Variants in APBB1 observed in about 807,000 individuals in gnomAD.
The protein encoded by APBB1 is adaptor protein FE65a2.
APBB1 carries 22 observed loss-of-function variants against 78.4 expected under a neutral mutation model. The observed-to-expected ratio is 0.28, with a 90% CI of 0.20 to 0.40. The LOEUF (loss-of-function observed/expected upper bound fraction) is 0.40, where lower values mean the gene tolerates loss of function less well. Ranked by LOEUF, APBB1 falls within the 10% of genes least tolerant of loss-of-function variation. APBB1 has a pLI of 1.00. For missense variants in APBB1, 749 were observed against 932.4 expected (o/e 0.80, Z 2.56); for synonymous variants, 369 against 372.7 (o/e 0.99, Z 0.12).
At chr11:6,414,054 C>T (rs773104404) in intron 1 of APBB1, among the ~76,000 whole-genome samples, 1 of 152,158 alleles carries the variant, frequency 6.6e-6, no homozygotes, top group East Asian at 1.9e-4. Context: ...CACTGCCTTT[C>T]GGATAACGCC....
Position 6,403,239 on chromosome 11 carries a change from G to A in APBB1, c.1041-31C>T. On this transcript the variant is annotated intron_variant, in intron 5 of 14. Coordinates refer to ENST00000609360, the MANE Select transcript of APBB1 (RefSeq NM_001164.5). This position sits in a 1 kb window ranked among gnomAD's most constrained non-coding sequence, Gnocchi z 5.3. Reference sequence around the variant, plus strand: ...GGCAGATGGTAATACTTGGCACAGGGCTCCCATAAATGGAGCTGTCCCAAG... The same window carrying A: ...GGCAGATGGTAATACTTGGCACAGGACTCCCATAAATGGAGCTGTCCCAAG... 6.2e-7 allele frequency: 1 copy of A among 1,611,208 alleles called. No individual in the cohort carries two copies. Among genetic ancestry groups the A allele is most frequent in the Non-Finnish European group, 8.5e-7 (1 of 1,178,540 alleles).
At position 6,404,500 on chromosome 11, in the gene APBB1, G is replaced by A. The variant is rs188844299; in HGVS notation, c.722-678C>T. On this transcript the variant is annotated intron_variant, in intron 2 of 14. Coordinates refer to ENST00000609360, the MANE Select transcript of APBB1 (RefSeq NM_001164.5). ...CAGGCGGACCCACACTCAGACACAC[G>A]GCACACGTCAAACCCTGCCAAATGT... is the stretch of plus-strand genomic sequence containing the variant. 19 of 1,334,904 alleles carry A rather than the reference G, an allele frequency of 1.4e-5. No homozygotes were observed. The East Asian group carries it at 3.0e-4, about 21-fold the overall frequency. The allele number at this position is 1,334,904 out of a possible 1,614,324, so 82.7% of individuals were successfully genotyped here.
upstream of APBB1, chr11:6,419,447 G>C: frequency 6.2e-6 from 1 of 160,542 alleles, no homozygotes; most frequent in Non-Finnish European, 1.4e-5. Context: ...GCGGCCGCGC[G>C]GGGAAGGATT....
chr11:6,401,784 T>G lies in APBB1; in HGVS notation c.1389-96A>C. ...CGTCCTCCCTGCCCATCACAGCTCC[T>G]CCAGGGCTTCTGCCCACAGCTGGTC... On this transcript the variant is annotated intron_variant, in intron 9 of 14. Coordinates refer to ENST00000609360, the MANE Select transcript of APBB1 (RefSeq NM_001164.5). The surrounding 1 kb of genome is among the most constrained non-coding windows in gnomAD (Gnocchi z 4.5). 1 of 1,488,840 alleles carries G rather than the reference T, an allele frequency of 6.7e-7. No individual in the cohort carries two copies. Among genetic ancestry groups the G allele is most frequent in the Non-Finnish European group, 9.3e-7 (1 of 1,073,230 alleles). 92.2% of individuals were successfully genotyped at this position (1,488,840 alleles called of 1,614,324 possible). A position where few individuals can be genotyped will look rare whatever the true frequency, so the allele number is the denominator to read the frequency against.
In APBB1 at chr11:6,411,582, T is replaced by G. The variant is rs2134102259; in HGVS notation, c.-14-221A>C. Among the ~76,000 whole-genome samples the G allele has an allele frequency of 6.6e-6, 1 of 151,874 alleles. No homozygotes were observed. The highest frequency in any genetic ancestry group is 2.4e-5 in the African/African-American group (1 of 41,362). On this transcript the variant is annotated intron_variant, in intron 1 of 14. Transcript: ENST00000609360. This position sits in a 1 kb window ranked among gnomAD's most constrained non-coding sequence, Gnocchi z 5.2. ...CCAGGTCTGAGGCCCACCCCATCCC[T>G]ATATCCCCTGCCCTGAGCTTTCTGG...
rs754540915 is a variant in APBB1 at position 6,403,742 on chromosome 11, T to C, written c.802A>G (p.Thr268Ala). 3 of 1,608,680 alleles carry C rather than the reference T, an allele frequency of 1.9e-6. No individual in the cohort carries two copies. The highest frequency in any genetic ancestry group is 2.6e-6 in the Non-Finnish European group (3 of 1,176,416). ...GWMRVQDTSG[T>A]YYWHIPTGTT... ...CCTGTTGGGATGTGCCAGTAATAGG[T>C]CCCTGAGGTGTCCTGGACCCTCATC... Residue 268 changes from threonine (T) to alanine (A), a missense_variant, in exon 3 of 15, where the codon ACC (threonine) becomes GCC (alanine). Around this residue, in one of 3 missense-constraint regions of APBB1, gnomAD observed 635 missense variants for 765.0 expected, o/e 0.83. Transcript: ENST00000609360. This position sits in a 1 kb window ranked among gnomAD's most constrained non-coding sequence, Gnocchi z 5.3.
chr11:6,415,266 C>T (rs1849090768), intron 1 of APBB1, among the ~76,000 whole-genome samples: 1 of 152,168 alleles, frequency 6.6e-6, no homozygotes, highest in Admixed American at 6.5e-5. Flanking sequence ...AGTCACTAAG[C>T]CTGAAGATCC....
At position 6,411,742 on chromosome 11, in the gene APBB1, G is replaced by A. The variant is rs934214969; in HGVS notation, c.-14-381C>T. 1.4e-4 allele frequency among the ~76,000 whole-genome samples: 22 copies of A among 152,198 alleles called. No homozygotes were observed. Among genetic ancestry groups the A allele is most frequent in the Non-Finnish European group, 2.1e-4 (14 of 67,970 alleles). On this transcript the variant is annotated intron_variant, in intron 1 of 14. Coordinates refer to ENST00000609360, the MANE Select transcript of APBB1 (RefSeq NM_001164.5). The surrounding 1 kb of genome is among the most constrained non-coding windows in gnomAD (Gnocchi z 5.2). ...AACACCACTAGAGTGGGACCGGCTC[G>A]TGTGTTTTGGACACTGATCACTGAC...
chr11:6,416,498 C>A (rs1259419018), intron 1 of APBB1, among the ~76,000 whole-genome samples: 1 of 152,070 alleles, frequency 6.6e-6, no homozygotes, highest in Non-Finnish European at 1.5e-5. Flanking sequence ...GCTAATAGAC[C>A]CACTCATGTT....
Position 6,403,617 on chromosome 11 carries a change from G to A in APBB1, c.897+30C>T. ...GCAGCACACACTCCCTCCACCCCTGGCCCAAAATCAACAGGCCTGTGAGCC... is the reference window on the plus strand; with the variant it reads ...GCAGCACACACTCCCTCCACCCCTGACCCAAAATCAACAGGCCTGTGAGCC... On this transcript the variant is annotated intron_variant, in intron 3 of 14. Transcript: ENST00000609360. The surrounding 1 kb of genome is among the most constrained non-coding windows in gnomAD (Gnocchi z 5.3). The A allele has an allele frequency of 1.2e-6, 2 of 1,612,804 alleles. No individual in the cohort carries two copies. The highest frequency in any genetic ancestry group is 1.7e-6 in the Non-Finnish European group (2 of 1,179,088).
Position 6,410,997 on chromosome 11 carries a change from G to C in APBB1, c.351C>G (p.Tyr117Ter). ...TGTGAGCTGAGAGCTCCAGCTCAGA[G>C]TACAGGTGTATCAGGCCTTTGGGGC... is the stretch of plus-strand genomic sequence containing the variant. ...PLGPKGLIHL[Y>*]SELELSAHNA... Residue 117 changes from tyrosine (Y) to a stop codon, truncating the protein, a stop_gained, in exon 2 of 15, where the codon TAC (tyrosine) becomes TAG (stop). Coordinates refer to ENST00000609360, the MANE Select transcript of APBB1 (RefSeq NM_001164.5). LOFTEE classifies it high-confidence loss of function. 6.2e-7 allele frequency: 1 copy of C among 1,614,198 alleles called. No homozygotes were observed.
At chr11:6,402,294 C>A in intron 7 of APBB1, 85 bp from the exon 8 acceptor site, 1 of 1,563,422 alleles carries the variant, frequency 6.4e-7, no homozygotes, top group South Asian at 1.2e-5. Flanking sequence ...GGGATGTTAG[C>A]CACAGCTCTG....
intron 2 of APBB1, among the ~76,000 whole-genome samples, chr11:6,407,820 C>G (rs887383426): frequency 6.1e-5 from 9 of 148,598 alleles, no homozygotes; most frequent in Non-Finnish European, 1.0e-4. Context: ...TCGCCCGGGC[C>G]GGACTGCGGA....
chr11:6,417,886 T>C (rs761391574), intron 1 of APBB1, among the ~76,000 whole-genome samples: 25 of 152,218 alleles, frequency 1.6e-4, no homozygotes, highest in Non-Finnish European at 3.4e-4. Flanking sequence ...CAGAAGATAA[T>C]TTAGCTTGGA....
chr11:6,402,078 C>T lies in APBB1; in HGVS notation c.1382+4G>A. On this transcript the variant is annotated splice_donor_region_variant and intron_variant, in intron 8 of 14. Coordinates refer to ENST00000609360, the MANE Select transcript of APBB1 (RefSeq NM_001164.5). ...CACCCTCGAATCCCAAGCCCTATTC[C>T]CACCTTCCACTGTCCCGCCCGACGC... 6.2e-7 allele frequency: 1 copy of T among 1,613,844 alleles called. No individual in the cohort carries two copies. Among genetic ancestry groups the T allele is most frequent in the South Asian group, 1.1e-5 (1 of 91,058 alleles).
chr11:6,408,179 A>T (rs1242407867), intron 2 of APBB1, among the ~76,000 whole-genome samples: 2 of 152,210 alleles, frequency 1.3e-5, no homozygotes, highest in African/African-American at 4.8e-5. Flanking sequence ...CTAACTACCA[A>T]TTTACAGGAA....
chr11:6,402,866 G>T (rs1848600493), intron 6 of APBB1, 141 bp from the exon 7 acceptor site: 1 of 1,110,996 alleles, frequency 9.0e-7, no homozygotes, highest in East Asian at 2.6e-5. Flanking sequence ...TAGGGAGAGG[G>T]GGATGTGGTT....
rs1314319468 is a variant in APBB1, at chr11:6,396,136, A to G, written c.1752T>C (p.Ser584=). Residue 584 remains serine (S), a synonymous_variant, in exon 13 of 15, where the codon AGT becomes AGC. Coordinates refer to ENST00000609360, the MANE Select transcript of APBB1 (RefSeq NM_001164.5). The part of the protein sequence containing the change: ...SREQWTPSHV[S]VAPATLTILH... ...AGATGGTGAGGGTAGCAGGGGCCAC[A>G]CTGACATGACTTGGGGTCCATTGTT... 6.4e-6 allele frequency: 10 copies of G among 1,554,554 alleles called. No individual in the cohort carries two copies. The highest frequency in any genetic ancestry group is 1.2e-5 in the South Asian group (1 of 84,664).
chr11:6,404,917 A>G (rs1848731413), intron 2 of APBB1: 2 of 1,470,652 alleles, frequency 1.4e-6, no homozygotes, highest in Non-Finnish European at 1.8e-6. Context: ...CCCCCTTCTC[A>G]CCAGGGCAGA....
Sources: allele counts gnomAD v4.1 joint callset (sites outside exome capture counted in the v4.1 genomes callset), GRCh38; gene constraint gnomAD v4.1.1; regional missense constraint gnomAD v4.1.1; non-coding constraint Gnocchi (gnomAD v3.1); transcripts MANE v1.5; gene names NCBI Gene and HGNC (gene_info 2026-07-23, HGNC 2026-07-21).